The following CDK15 variants were observed in gnomAD, a reference collection of about 807,000 sequenced individuals.
CDK15 encodes the protein cyclin-dependent kinase 15.
CDK15 carries 62 observed loss-of-function variants against 60.3 expected under a neutral mutation model. That is an observed-to-expected ratio of 1.03 (90% CI 0.84 to 1.27). CDK15 has a LOEUF of 1.27. Among genes scored for constraint, CDK15 ranks in the 50% most tolerant of loss-of-function variants. The pLI, the probability that CDK15 is intolerant of heterozygous loss-of-function variation, is 0.00. For synonymous variants in CDK15, 194 were observed against 195.7 expected, an observed-to-expected ratio of 0.99 and a Z score of 0.07; for missense variants, 541 against 527.8, an observed-to-expected ratio of 1.03 and a Z score of -0.25.
At chr2:201,884,256 ATTCC>A (rs952665162) in intron 12 of CDK15, among the ~76,000 whole-genome samples, 4 of 152,160 alleles carry the variant, frequency 2.6e-5, no homozygotes, top group African/African-American at 4.8e-5. Flanking sequence ...TGAGTCTCCC[ATTCC>A]TTCCTGGACT....
At chr2:201,856,353 G>T (rs1247663226) in intron 10 of CDK15, among the ~76,000 whole-genome samples, 3 of 152,170 alleles carry the variant, frequency 2.0e-5, no homozygotes, top group Non-Finnish European at 4.4e-5. Flanking sequence ...GCAAGCTAAA[G>T]ACTAACTGTA....
At chr2:201,870,751 A>C (rs959927869) in intron 10 of CDK15, among the ~76,000 whole-genome samples, 6 of 152,130 alleles carry the variant, frequency 3.9e-5, no homozygotes, top group African/African-American at 1.4e-4. Flanking sequence ...AAATAATTAC[A>C]TTTCAGGCCT....
chr2:201,842,002 T>G (rs1697409241), intron 8 of CDK15, among the ~76,000 whole-genome samples: 1 of 152,228 alleles, frequency 6.6e-6, no homozygotes, highest in Non-Finnish European at 1.5e-5. Flanking sequence ...TACATAAAAT[T>G]TACCATTCAT....
intron 10 of CDK15, chr2:201,861,495 C>A: frequency 1.0e-6 from 1 of 983,226 alleles, no homozygotes; most frequent in East Asian, 1.1e-4. Flanking sequence ...TGCTATAGTG[C>A]CTAACTTTTA....
chr2:201,831,898 T>C (rs1696766385), intron 6 of CDK15, among the ~76,000 whole-genome samples: 1 of 152,166 alleles, frequency 6.6e-6, no homozygotes, highest in Non-Finnish European at 1.5e-5. Context: ...CTAGACATGT[T>C]TTAAAAGTTA....
intron 10 of CDK15, among the ~76,000 whole-genome samples, chr2:201,871,813 G>A (rs914481036): frequency 8.6e-5 from 13 of 151,984 alleles, no homozygotes; most frequent in African/African-American, 2.4e-4. Context: ...AGGGATGTGA[G>A]GGAGAATTTG....
At chr2:201,858,299 G>A (rs1698230990) in intron 10 of CDK15, among the ~76,000 whole-genome samples, 1 of 152,198 alleles carries the variant, frequency 6.6e-6, no homozygotes, top group African/African-American at 2.4e-5. Flanking sequence ...ACCTGGGCAA[G>A]GTAAGAGGGT....
chr2:201,807,246 A>G lies in CDK15; in HGVS notation c.124-248A>G, dbSNP rs190109025. Reference sequence around the variant, plus strand: ...AGAAAAAAGTTGCAAAACATCCATCAAAGAGATTTAGGTTAACCTGAATGT... The same window carrying G: ...AGAAAAAAGTTGCAAAACATCCATCGAAGAGATTTAGGTTAACCTGAATGT... On this transcript the variant is annotated intron_variant, in intron 1 of 13. Transcript: ENST00000652192. 2.5e-3 allele frequency among the ~76,000 whole-genome samples: 375 copies of G among 152,278 alleles called. 2 individuals carry two copies. The highest frequency in any genetic ancestry group is 8.8e-3 in the African/African-American group (364 of 41,562).
rs1256837147 is a variant in CDK15, at chr2:201,836,172, ATATAT to A, written c.851+415_851+419del. ...ATATATTTTATATATTTATATATTT[ATATAT>A]TATATATATTTTTTTATATATATAT... On this transcript the variant is annotated intron_variant, in intron 8 of 13. Coordinates refer to ENST00000652192, the MANE Select transcript of CDK15 (RefSeq NM_001366386.2). 2.9e-3 allele frequency among the ~76,000 whole-genome samples: 290 copies of A among 98,924 alleles called. 3 individuals are homozygous for A. The highest frequency in any genetic ancestry group is 5.6e-3 in the South Asian group (20 of 3,586). The allele number at this position is 98,924 out of a possible 152,430, so 64.9% of individuals were successfully genotyped here.
chr2:201,806,687 A>C lies in CDK15; in HGVS notation c.23A>C (p.Lys8Thr). Residue 8 changes from lysine to threonine, a missense_variant, in exon 1 of 14, where the codon AAG becomes ACG. Transcript: ENST00000652192. Reference sequence around the variant, plus strand: ...ATTATGGGTCAAGAGCTGTGTGCAAAGACTGTACAGCCTGGATGCAGCTGC... The same window carrying C: ...ATTATGGGTCAAGAGCTGTGTGCAACGACTGTACAGCCTGGATGCAGCTGC... Reference protein sequence around the residue: MGQELCAKTVQPGCSCYH... With the variant: MGQELCATTVQPGCSCYH... 1 of 1,597,092 alleles carries C rather than the reference A, an allele frequency of 6.3e-7. No individual in the cohort carries two copies. Among genetic ancestry groups the C allele is most frequent in the Non-Finnish European group, 8.5e-7 (1 of 1,179,258 alleles).
At chr2:201,883,343 C>A (rs563092016) in intron 12 of CDK15, among the ~76,000 whole-genome samples, 1 of 152,188 alleles carries the variant, frequency 6.6e-6, no homozygotes, top group East Asian at 1.9e-4. Flanking sequence ...GGAAGGACAG[C>A]CTAAATCCCA....
chr2:201,893,236 A>T (rs1039052896), intron 13 of CDK15, 65 bp from the exon 14 acceptor site: 10 of 151,998 alleles, frequency 6.6e-5, no homozygotes, highest in African/African-American at 2.4e-4. Flanking sequence ...TGTTTAACTG[A>T]TTTTCCTTCA....
At chr2:201,826,757 T>C (rs1450278158) in intron 6 of CDK15, among the ~76,000 whole-genome samples, 1 of 152,222 alleles carries the variant, frequency 6.6e-6, no homozygotes, top group Non-Finnish European at 1.5e-5. Context: ...AATATTAGCA[T>C]GCATTACATT....
At chr2:201,820,624 C>G (rs1334503778) in intron 4 of CDK15, among the ~76,000 whole-genome samples, 2 of 152,178 alleles carry the variant, frequency 1.3e-5, no homozygotes, top group Non-Finnish European at 2.9e-5. Context: ...GCTCCACAGA[C>G]AGTTCTCCTT....
intron 11 of CDK15, among the ~76,000 whole-genome samples, chr2:201,874,340 T>A (rs1698992707): frequency 6.6e-6 from 1 of 152,122 alleles, no homozygotes; most frequent in South Asian, 2.1e-4. Context: ...CATGGGAAAA[T>A]TCTTGGCTCT....
At chr2:201,838,915 A>C (rs1025744600) in intron 8 of CDK15, among the ~76,000 whole-genome samples, 1 of 152,078 alleles carries the variant, frequency 6.6e-6, no homozygotes, top group Non-Finnish European at 1.5e-5. Flanking sequence ...GGTATTCTTA[A>C]AAATATTTTT....
intron 12 of CDK15, among the ~76,000 whole-genome samples, chr2:201,886,768 GC>G (rs1221589995): frequency 6.6e-6 from 1 of 152,188 alleles, no homozygotes; most frequent in Non-Finnish European, 1.5e-5. Context: ...AAAGAGCACA[GC>G]AACACATGGA....
chr2:201,890,937 T>G lies in CDK15; in HGVS notation c.*33+10T>G. 1.4e-6 allele frequency: 2 copies of G among 1,452,288 alleles called. No individual in the cohort carries two copies. Among genetic ancestry groups the G allele is most frequent in the Non-Finnish European group, 1.9e-6 (2 of 1,037,818 alleles). The allele number at this position is 1,452,288 out of a possible 1,614,324, so 90.0% of individuals were successfully genotyped here. A position where few individuals can be genotyped will look rare whatever the true frequency, so the allele number is the denominator to read the frequency against. ...ACCAAGGTTCTTCCAGGTAAGTGGT[T>G]GCAACAGTGAGGTTCCTTATGGAAC... On this transcript the variant is annotated intron_variant, in intron 13 of 13. Transcript: ENST00000652192.
chr2:201,817,424 T>A (rs564985711), intron 4 of CDK15, among the ~76,000 whole-genome samples: 1 of 152,356 alleles, frequency 6.6e-6, no homozygotes, highest in Non-Finnish European at 1.5e-5. Flanking sequence ...CACTTGTGTG[T>A]CCAAAAGAAA....
Sources: gnomAD v4.1 joint callset for allele counts (sites outside exome capture counted in the v4.1 genomes callset) on GRCh38, gnomAD v4.1.1 for gene constraint, MANE v1.5 for transcripts, NCBI Gene and HGNC (gene_info 2026-07-23, HGNC 2026-07-21) for gene names.